PTPRB: variants seen among roughly 807,000 people sequenced by gnomAD.
PTPRB encodes the protein receptor-type tyrosine-protein phosphatase beta.
In PTPRB, 97 loss-of-function variants were observed where a neutral mutation model predicts 238.1. That is an observed-to-expected ratio of 0.41 (90% CI 0.35 to 0.48). The LOEUF is 0.48. Ranked by LOEUF, PTPRB falls within the 20% of genes least tolerant of loss-of-function variation. PTPRB has a pLI of 0.30. For synonymous variants in PTPRB, 970 were observed against 995.4 expected, an observed-to-expected ratio of 0.97 and a Z score of 0.48; for missense variants, 2,292 against 2,681.9, an observed-to-expected ratio of 0.85 and a Z score of 3.21.
rs528599319 is a variant in PTPRB, at chr12:70,561,072, AT to A, written c.4169-139del. The stretch of plus-strand genomic sequence containing the variant: ...TCAGATCTTGCCTACATTTCAGGCC[AT>A]TTAACTTTAAGGGCATATGGACTAG... On this transcript the variant is annotated intron_variant, in intron 16 of 33. Coordinates refer to ENST00000334414, the MANE Select transcript of PTPRB (RefSeq NM_001109754.4). 3.4e-4 allele frequency: 310 copies of A among 911,282 alleles called. 1 individual carries two copies. Among genetic ancestry groups the A allele is most frequent in the Non-Finnish European group, 5.1e-4 (302 of 590,642 alleles). The allele number at this position is 911,282 out of a possible 1,614,324, so 56.4% of individuals were successfully genotyped here.
At chr12:70,538,710 A>G (rs1254323433) in intron 27 of PTPRB, 2 of 577,766 alleles carry the variant, frequency 3.5e-6, no homozygotes, top group Admixed American at 3.0e-5. Context: ...TGTCAACAGC[A>G]TAAGAGGACT....
At chr12:70,544,117 A>G (rs1283946449) in intron 22 of PTPRB, among the ~76,000 whole-genome samples, 1 of 152,160 alleles carries the variant, frequency 6.6e-6, no homozygotes, top group African/African-American at 2.4e-5. Flanking sequence ...AGGAAGAAAA[A>G]TCACCTGTAT....
In PTPRB at chr12:70,587,191, T is replaced by G. The variant is rs777546737; in HGVS notation, c.2127A>C (p.Val709=). ...AAATGATGTATTTCTCCCATTCTGC[T>G]ACAGGGGTCTGCCACATGATACTCA... is the stretch of plus-strand genomic sequence containing the variant. ...TSLSIMWQTP[V]AEWEKYIISL... The change falls in exon 9 of 34, where the codon GTA becomes GTC. Residue 709 remains valine (V), a synonymous_variant. Coordinates refer to ENST00000334414, the MANE Select transcript of PTPRB (RefSeq NM_001109754.4). 124 of 1,613,640 alleles carry G rather than the reference T, an allele frequency of 7.7e-5. No individual in the cohort carries two copies. The highest frequency in any genetic ancestry group is 1.0e-4 in the Non-Finnish European group (122 of 1,179,714).
At chr12:70,609,634 G>A (rs1884264919) in intron 3 of PTPRB, 1 of 1,030,988 alleles carries the variant, frequency 9.7e-7, no homozygotes, top group Non-Finnish European at 1.4e-6. Flanking sequence ...TTCTTCCCAA[G>A]GCAGAAGAAG....
intron 2 of PTPRB, among the ~76,000 whole-genome samples, chr12:70,627,972 A>G (rs1337305107): frequency 1.3e-5 from 2 of 152,178 alleles, no homozygotes; most frequent in Non-Finnish European, 2.9e-5. Flanking sequence ...ATGATTGCTT[A>G]TCTTTTACAA....
At chr12:70,630,699 G>T (rs1885413311) in intron 2 of PTPRB, among the ~76,000 whole-genome samples, 1 of 151,046 alleles carries the variant, frequency 6.6e-6, no homozygotes, top group Admixed American at 6.6e-5. Context: ...CTGAAATTTT[G>T]GATCTCCTTA....
At chr12:70,546,956 A>T (rs896466475) in intron 21 of PTPRB, among the ~76,000 whole-genome samples, 1 of 152,182 alleles carries the variant, frequency 6.6e-6, no homozygotes, top group Non-Finnish European at 1.5e-5. Flanking sequence ...TTTATGTGGG[A>T]AAACTTTTGC....
Position 70,534,432 on chromosome 12 carries a change from C to T in PTPRB, c.6368+56G>A, listed in dbSNP as rs185806455. On this transcript the variant is annotated intron_variant, in intron 31 of 33. Coordinates refer to ENST00000334414, the MANE Select transcript of PTPRB (RefSeq NM_001109754.4). ...CCATGCTTATGTATTTTTCCAGACT[C>T]CCAGGCACAACCCCCTTATGGCTGC... 2.2e-3 allele frequency: 3,474 copies of T among 1,570,578 alleles called. 17 individuals carry two copies. The highest frequency in any genetic ancestry group is 0.012 in the Admixed American group (655 of 55,334).
At chr12:70,540,043 CTT>C in intron 23 of PTPRB, 21 bp from the exon 24 acceptor site, 1 of 1,569,332 alleles carries the variant, frequency 6.4e-7, no homozygotes, top group Non-Finnish European at 8.8e-7. Flanking sequence ...AGGGAGATAA[CTT>C]TTATTCTGAT....
chr12:70,575,842 T>C (rs927761140), intron 11 of PTPRB, among the ~76,000 whole-genome samples: 2 of 152,168 alleles, frequency 1.3e-5, no homozygotes, highest in Admixed American at 6.5e-5. Context: ...CCCAGAACCA[T>C]AAAGGTTCAC....
At chr12:70,596,964 C>G (rs1883080176) in intron 4 of PTPRB, among the ~76,000 whole-genome samples, 1 of 151,502 alleles carries the variant, frequency 6.6e-6, no homozygotes. Context: ...GTCACACAGG[C>G]TGGAGTGCAG....
At position 70,517,962 on chromosome 12, in the gene PTPRB, G is replaced by T. The variant is rs535874979; in HGVS notation, c.*3527C>A. 2.6e-5 allele frequency: 4 copies of T among 152,308 alleles called. No homozygotes were observed. Among genetic ancestry groups the T allele is most frequent in the African/African-American group, 9.6e-5 (4 of 41,568 alleles). 9.4% of individuals were successfully genotyped at this position (152,308 alleles called of 1,614,324 possible). On this transcript the variant is annotated 3_prime_UTR_variant, in exon 34 of 34. Coordinates refer to ENST00000334414, the MANE Select transcript of PTPRB (RefSeq NM_001109754.4). ...AACAGCAAGGCAAGAGAATCAGCAT[G>T]TGAAGGGTAGCATGTGAGGTCTATT...
chr12:70,580,749 C>T (rs748208162), intron 10 of PTPRB, among the ~76,000 whole-genome samples: 5 of 150,298 alleles, frequency 3.3e-5, no homozygotes, highest in South Asian at 2.1e-4. Flanking sequence ...ACCCAGGAGG[C>T]GGAGGTTGCG....
At chr12:70,619,501 G>A (rs534376125) in intron 3 of PTPRB, among the ~76,000 whole-genome samples, 4 of 152,164 alleles carry the variant, frequency 2.6e-5, no homozygotes, top group African/African-American at 4.8e-5. Flanking sequence ...ATAGAATATC[G>A]CAGAAGTGAT....
intron 32 of PTPRB, chr12:70,525,399 G>A (rs902215734): frequency 6.6e-6 from 1 of 152,080 alleles, no homozygotes; most frequent in East Asian, 1.9e-4. Context: ...AATAAGCCCC[G>A]CTGGACTGTT....
chr12:70,625,187 T>C (rs1190715937), intron 2 of PTPRB, among the ~76,000 whole-genome samples: 1 of 152,244 alleles, frequency 6.6e-6, no homozygotes, highest in Non-Finnish European at 1.5e-5. Flanking sequence ...TTTTAACTTG[T>C]GCTATTTAAG....
Position 70,571,082 on chromosome 12 carries a change from A to G in PTPRB, c.3314T>C (p.Leu1105Pro). ...TACATCCCCGCTAATCGTCAAGACAAGAATTTTGTATTGGCGGCCTGGTGT... is the reference window on the plus strand; with the variant it reads ...TACATCCCCGCTAATCGTCAAGACAGGAATTTTGTATTGGCGGCCTGGTGT... ...SLTPGRQYKI[L>P]VLTISGDVQQ... The change falls in exon 13 of 34, where the codon CTT becomes CCT. Residue 1105 changes from leucine (L) to proline (P), a missense_variant. Leu to Pro is a moderately conservative substitution (Grantham distance 98). This residue lies in a region of PTPRB where 683 missense variants were observed against 862.0 expected (regional missense o/e 0.79). Transcript: ENST00000334414. The G allele has an allele frequency of 6.2e-7, 1 of 1,614,034 alleles. No individual in the cohort carries two copies. The highest frequency in any genetic ancestry group is 8.5e-7 in the Non-Finnish European group (1 of 1,179,888).
At chr12:70,551,047 C>A (rs961669298) in intron 21 of PTPRB, among the ~76,000 whole-genome samples, 17 of 152,158 alleles carry the variant, frequency 1.1e-4, no homozygotes, top group Non-Finnish European at 4.4e-5. Context: ...AGGCGTGCAC[C>A]ACCGTGCCTG....
At position 70,555,433 on chromosome 12, in the gene PTPRB, C is replaced by T. The variant is rs189340950; in HGVS notation, c.4994-124G>A. ...CAGACTGTGTGTGTGTGAGCGTGTG[C>T]CTGTGTTTAATGCTGTAATCAAGAA... On this transcript the variant is annotated intron_variant, in intron 19 of 33. Coordinates refer to ENST00000334414, the MANE Select transcript of PTPRB (RefSeq NM_001109754.4). 3,292 of 942,938 alleles carry T rather than the reference C, an allele frequency of 3.5e-3. 22 individuals are homozygous for T. Among genetic ancestry groups the T allele is most frequent in the Non-Finnish European group, 3.6e-3 (2,320 of 643,498 alleles). The allele number at this position is 942,938 out of a possible 1,614,324, so 58.4% of individuals were successfully genotyped here.
Sources: allele counts gnomAD v4.1 joint callset (sites outside exome capture counted in the v4.1 genomes callset), GRCh38; gene constraint gnomAD v4.1.1; regional missense constraint gnomAD v4.1.1; transcripts MANE v1.5; gene names NCBI Gene and HGNC (gene_info 2026-07-23, HGNC 2026-07-21).